The following RBM19 variants were observed in gnomAD, a reference collection of about 807,000 sequenced individuals.
The protein encoded by RBM19 is RNA binding motif protein 19, also known as probable RNA-binding protein 19.
Under a neutral mutation model 116.8 loss-of-function variants are expected in RBM19, and 94 were observed. That is an observed-to-expected ratio of 0.80 (90% CI 0.68 to 0.95). The LOEUF is 0.95. Among genes scored for constraint, RBM19 ranks in the 40% least tolerant of loss-of-function variants. The pLI, the probability that RBM19 is intolerant of heterozygous loss-of-function variation, is 0.00. For missense variants in RBM19, 1,161 were observed against 1,220.7 expected (o/e 0.95, Z 0.73); for synonymous variants, 475 against 494.1 (o/e 0.96, Z 0.51).
Position 113,943,176 on chromosome 12 carries a change from T to G in RBM19, c.1627-742A>C, listed in dbSNP as rs527309602. ...CCCTATCCCTCCCTTGGCTTTTCTG[T>G]TCTCTGCCCTCACCAGGCCTGCCGC... On this transcript the variant is annotated intron_variant, in intron 13 of 23. Coordinates refer to ENST00000261741, the MANE Select transcript of RBM19 (RefSeq NM_016196.4). 4.6e-5 allele frequency among the ~76,000 whole-genome samples: 7 copies of G among 152,320 alleles called. No homozygotes were observed. In the South Asian group the frequency reaches 1.2e-3, roughly 27 times the overall value.
intron 21 of RBM19, among the ~76,000 whole-genome samples, chr12:113,900,667 C>T (rs2135824608): frequency 6.6e-6 from 1 of 152,306 alleles, no homozygotes; most frequent in Admixed American, 6.5e-5. Flanking sequence ...CCTTTCCAAG[C>T]TGACAGCCAA....
At chr12:113,824,875 T>A (rs965239484) in intron 23 of RBM19, among the ~76,000 whole-genome samples, 1 of 151,526 alleles carries the variant, frequency 6.6e-6, no homozygotes, top group African/African-American at 2.4e-5. Context: ...CACCAAGGGA[T>A]CCCTCTAAAA....
At chr12:113,872,341 C>T (rs1458060358) in intron 21 of RBM19, among the ~76,000 whole-genome samples, 1 of 150,946 alleles carries the variant, frequency 6.6e-6, no homozygotes, top group Non-Finnish European at 1.5e-5. Flanking sequence ...GCCGCCCCGT[C>T]TGAGAAGTGA....
intron 1 of RBM19, 114 bp downstream of exon 1, chr12:113,966,078 C>T (rs971548381): frequency 2.4e-6 from 3 of 1,275,962 alleles, no homozygotes; most frequent in Non-Finnish European, 2.3e-6. Context: ...CAGAATTGGC[C>T]CGGAGTCCTG....
At chr12:113,823,439 G>C (rs571311513) in intron 23 of RBM19, 118 bp from the exon 24 acceptor site, 1 of 797,780 alleles carries the variant, frequency 1.3e-6, no homozygotes. Context: ...ACAAGGGTGC[G>C]GGGAGACAGA....
At chr12:113,911,624 T>A (rs1014126707) in intron 21 of RBM19, among the ~76,000 whole-genome samples, 1 of 152,166 alleles carries the variant, frequency 6.6e-6, no homozygotes, top group Non-Finnish European at 1.5e-5. Context: ...TTAATCCTTA[T>A]AGTCCTTGAG....
intron 23 of RBM19, among the ~76,000 whole-genome samples, chr12:113,829,498 G>A (rs973688822): frequency 3.3e-5 from 5 of 152,178 alleles, no homozygotes; most frequent in African/African-American, 7.2e-5. Context: ...AAGGATTCCT[G>A]CCTTCAGTCA....
chr12:113,892,226 C>A (rs921581706), intron 21 of RBM19, among the ~76,000 whole-genome samples: 1 of 152,126 alleles, frequency 6.6e-6, no homozygotes, highest in African/African-American at 2.4e-5. Flanking sequence ...CAGGCTCGGG[C>A]CTCGGTTCTG....
chr12:113,860,540 G>A (rs549840848), intron 21 of RBM19, among the ~76,000 whole-genome samples: 2 of 152,224 alleles, frequency 1.3e-5, no homozygotes, highest in Admixed American at 1.3e-4. Context: ...GCCTGAGAGC[G>A]TTCAGAGCTG....
At chr12:113,952,689 A>C (rs1435103845) in intron 7 of RBM19, 99 bp from the exon 8 acceptor site, 1 of 937,344 alleles carries the variant, frequency 1.1e-6, no homozygotes, top group Non-Finnish European at 1.7e-6. Context: ...AGGATTACAA[A>C]GTGTTTCATT....
At chr12:113,951,926 C>T (rs939058353) in intron 8 of RBM19, among the ~76,000 whole-genome samples, 2 of 152,230 alleles carry the variant, frequency 1.3e-5, no homozygotes, top group Non-Finnish European at 2.9e-5. Flanking sequence ...GTGTGGTTCT[C>T]TTGAGAAGTA....
intron 21 of RBM19, among the ~76,000 whole-genome samples, chr12:113,890,298 C>T (rs1429295248): frequency 6.6e-6 from 1 of 152,198 alleles, no homozygotes; most frequent in Non-Finnish European, 1.5e-5. Flanking sequence ...TTCCCTTCCT[C>T]TGCTCTGCTG....
At chr12:113,845,769 T>C (rs1440708778) in intron 22 of RBM19, among the ~76,000 whole-genome samples, 1 of 152,184 alleles carries the variant, frequency 6.6e-6, no homozygotes. Flanking sequence ...CCTAACTTGA[T>C]GGGCTCATCC....
At chr12:113,941,309 G>A (rs1593623141) in intron 14 of RBM19, among the ~76,000 whole-genome samples, 1 of 107,666 alleles carries the variant, frequency 9.3e-6, no homozygotes, top group African/African-American at 5.2e-5. Context: ...GTTACAGTTA[G>A]AGAGACAGAC....
At position 113,898,949 on chromosome 12, in the gene RBM19, T is replaced by C. The variant is rs1447734841; in HGVS notation, c.2558+16020A>G. ...TGGTTTTATAGTCCTAAAAGAACCA[T>C]AAGCATGAGTTGTCAGTTTATTCTG... On this transcript the variant is annotated intron_variant, in intron 21 of 23. Coordinates refer to ENST00000261741, the MANE Select transcript of RBM19 (RefSeq NM_016196.4). The surrounding 1 kb of genome is among the most constrained non-coding windows in gnomAD (Gnocchi z 4.3). Among the ~76,000 whole-genome samples, 1 of 152,238 alleles carries C rather than the reference T, an allele frequency of 6.6e-6. No individual in the cohort carries two copies. Among genetic ancestry groups the C allele is most frequent in the African/African-American group, 2.4e-5 (1 of 41,464 alleles).
intron 17 of RBM19, 70 bp from the exon 18 acceptor site, chr12:113,924,827 A>G (rs3782458): frequency 0.49 from 646,778 of 1,328,472 alleles, 162,386 homozygotes; most frequent in East Asian, 0.71. Context: ...CCTGTCAAAC[A>G]CTATACCCCC....
intron 21 of RBM19, among the ~76,000 whole-genome samples, chr12:113,889,602 C>A (rs1377721860): frequency 6.6e-6 from 1 of 152,046 alleles, no homozygotes; most frequent in African/African-American, 2.4e-5. Context: ...GCTTCCTGAT[C>A]ACCACACATC....
intron 21 of RBM19, among the ~76,000 whole-genome samples, chr12:113,859,303 A>G (rs1878176008): frequency 3.3e-5 from 5 of 152,204 alleles, no homozygotes; most frequent in Non-Finnish European, 7.3e-5. Context: ...GGGGCTCTGG[A>G]CATGTGATCA....
chr12:113,962,097 G>A (rs1872547370), intron 2 of RBM19, 135 bp downstream of exon 2: 1 of 1,053,320 alleles, frequency 9.5e-7, no homozygotes, highest in African/African-American at 1.6e-5. Context: ...ACATGAAAGT[G>A]TGTGAATCGG....
Sources: allele counts gnomAD v4.1 joint callset (sites outside exome capture counted in the v4.1 genomes callset), GRCh38; gene constraint gnomAD v4.1.1; non-coding constraint Gnocchi (gnomAD v3.1); transcripts MANE v1.5; gene names NCBI Gene and HGNC (gene_info 2026-07-23, HGNC 2026-07-21).